The following PACS1 variants were observed in gnomAD, a reference collection of about 807,000 sequenced individuals.
The protein encoded by PACS1 is phosphofurin acidic cluster sorting protein 1.
In PACS1, 24 loss-of-function variants were observed where a neutral mutation model predicts 115.0. The observed-to-expected ratio is 0.21, with a 90% CI of 0.15 to 0.29. PACS1 has a LOEUF of 0.29. Among genes scored for constraint, PACS1 ranks in the 10% least tolerant of loss-of-function variants. The pLI is 1.00. For synonymous variants in PACS1, 453 were observed against 504.5 expected, an observed-to-expected ratio of 0.90 and a Z score of 1.37; for missense variants, 838 against 1,251.2, an observed-to-expected ratio of 0.67 and a Z score of 4.98.
At chr11:66,120,891 C>T (rs1022083685) in intron 1 of PACS1, 16 of 402,872 alleles carry the variant, frequency 4.0e-5, no homozygotes, top group African/African-American at 2.9e-4. Context: ...GTTCAAGGGA[C>T]GTCTTCATGA....
chr11:66,184,215 A>T (rs1364709165), intron 1 of PACS1, among the ~76,000 whole-genome samples: 1 of 147,824 alleles, frequency 6.8e-6, no homozygotes, highest in Non-Finnish European at 1.5e-5. Flanking sequence ...TGGGAGGCTG[A>T]GGCAGGAGAA....
At chr11:66,197,904 A>G (rs1410838231) in intron 2 of PACS1, among the ~76,000 whole-genome samples, 1 of 152,238 alleles carries the variant, frequency 6.6e-6, no homozygotes, top group Non-Finnish European at 1.5e-5. Context: ...TTTTTTTCAT[A>G]TACTCAACCA....
At chr11:66,080,218 A>T (rs1857458734) in intron 1 of PACS1, among the ~76,000 whole-genome samples, 1 of 152,198 alleles carries the variant, frequency 6.6e-6, no homozygotes, top group East Asian at 1.9e-4. Context: ...CATTCACCAA[A>T]TATTTACTGA....
chr11:66,165,208 C>G (rs565330300), intron 1 of PACS1, among the ~76,000 whole-genome samples: 4 of 152,346 alleles, frequency 2.6e-5, no homozygotes, highest in Admixed American at 6.5e-5. Context: ...TTATTCCACT[C>G]TTCGGCAGCA....
chr11:66,210,276 TC>T, intron 2 of PACS1, 85 bp from the exon 3 acceptor site: 1 of 976,184 alleles, frequency 1.0e-6, no homozygotes. Flanking sequence ...GTCCAAGCAG[TC>T]CTTCTGCCTC....
chr11:66,225,665 C>T (rs1244344978), intron 10 of PACS1, among the ~76,000 whole-genome samples: 1 of 152,162 alleles, frequency 6.6e-6, no homozygotes, highest in Non-Finnish European at 1.5e-5. Context: ...ATAAATGTTG[C>T]AGCTTTGACA....
chr11:66,143,647 CT>C (rs1020367729), intron 1 of PACS1, among the ~76,000 whole-genome samples: 2 of 152,040 alleles, frequency 1.3e-5, no homozygotes, highest in African/African-American at 4.8e-5. Flanking sequence ...GACCTTCTTT[CT>C]TGTTTTTTTA....
At chr11:66,241,779 G>A in intron 22 of PACS1, 126 bp downstream of exon 22, 1 of 725,174 alleles carries the variant, frequency 1.4e-6, no homozygotes, top group Non-Finnish European at 2.3e-6. Flanking sequence ...TCTGGCATGG[G>A]GTGCAGAGGG....
At chr11:66,159,964 T>C (rs1859449742) in intron 1 of PACS1, among the ~76,000 whole-genome samples, 1 of 152,122 alleles carries the variant, frequency 6.6e-6, no homozygotes, top group African/African-American at 2.4e-5. Context: ...AACACTTGGG[T>C]TTTTTAATAC....
intron 1 of PACS1, among the ~76,000 whole-genome samples, chr11:66,126,925 G>C (rs1389821622): frequency 1.3e-5 from 2 of 152,094 alleles, no homozygotes; most frequent in African/African-American, 4.8e-5. Flanking sequence ...GGGTGGAGGA[G>C]CTTTTCATCA....
At chr11:66,090,031 G>A (rs1261999505) in intron 1 of PACS1, among the ~76,000 whole-genome samples, 1 of 121,058 alleles carries the variant, frequency 8.3e-6, no homozygotes, top group African/African-American at 2.9e-5. Context: ...AAAAAGAAAT[G>A]CCATTGGTAT....
rs375191312 is a variant in PACS1, at chr11:66,219,731, G to A, written c.979-15G>A. 38 of 1,610,994 alleles carry A rather than the reference G, an allele frequency of 2.4e-5. No homozygotes were observed. The highest frequency in any genetic ancestry group is 1.6e-4 in the African/African-American group (12 of 74,954). ...TGGACGTTGCTGAGAACTGTCATGC[G>A]ATTTGTCCCTACAGCAACCTAACAT... On this transcript the variant is annotated splice_polypyrimidine_tract_variant and intron_variant, in intron 7 of 23. Coordinates refer to ENST00000320580, the MANE Select transcript of PACS1 (RefSeq NM_018026.4).
At position 66,233,638 on chromosome 11, in the gene PACS1, C is replaced by A; in HGVS notation, c.1839-147C>A. 1.4e-6 allele frequency: 1 copy of A among 716,324 alleles called. No individual in the cohort carries two copies. The highest frequency in any genetic ancestry group is 2.0e-5 in the South Asian group (1 of 50,976). 44.4% of individuals were successfully genotyped at this position (716,324 alleles called of 1,614,324 possible). ...GTTGTGAAAGCACTGTGGCTTATTC[C>A]CTGTATGATCCTCTCTGTTTTATTT... On this transcript the variant is annotated intron_variant, in intron 15 of 23. Transcript: ENST00000320580. The surrounding 1 kb of genome is among the most constrained non-coding windows in gnomAD (Gnocchi z 4.5).
intron 1 of PACS1, among the ~76,000 whole-genome samples, chr11:66,163,644 A>G (rs1859538419): frequency 6.6e-6 from 1 of 152,210 alleles, no homozygotes; most frequent in Non-Finnish European, 1.5e-5. Flanking sequence ...GTGTATTGTT[A>G]TTTGAATCAA....
At chr11:66,173,544 C>T (rs1859786960) in intron 1 of PACS1, among the ~76,000 whole-genome samples, 1 of 151,804 alleles carries the variant, frequency 6.6e-6, no homozygotes. Flanking sequence ...CCTGTCTCTA[C>T]TAAAAAATAC....
chr11:66,127,175 G>GTA, intron 1 of PACS1, among the ~76,000 whole-genome samples: 1 of 152,198 alleles, frequency 6.6e-6, no homozygotes. Context: ...CACAATGTCT[G>GTA]TAGTCCCTTC....
rs1168604248 is a variant in PACS1, at chr11:66,171,190, T to TTATTAAGTTTA, written c.357-22292_357-22282dup. ...TTGTGGTATTTATTTTTAAGACATT[T>TTATTAAGTTTA]TATTAAGTTTATATAGGTCTAGAAT... On this transcript the variant is annotated intron_variant, in intron 1 of 23. Coordinates refer to ENST00000320580, the MANE Select transcript of PACS1 (RefSeq NM_018026.4). Among the ~76,000 whole-genome samples the TTATTAAGTTTA allele has an allele frequency of 8.6e-5, 13 of 150,414 alleles. 1 individual carries two copies. The highest frequency in any genetic ancestry group is 3.3e-4 in the African/African-American group (13 of 39,808).
At chr11:66,215,906 AAT>A (rs1365796762) in intron 4 of PACS1, among the ~76,000 whole-genome samples, 11 of 14,742 alleles carry the variant, frequency 7.5e-4, no homozygotes, top group Non-Finnish European at 2.6e-3. Flanking sequence ...TCTCAAAAAT[AAT>A]AATAATAATA....
At chr11:66,209,490 G>A (rs150643477) in intron 2 of PACS1, among the ~76,000 whole-genome samples, 1 of 152,296 alleles carries the variant, frequency 6.6e-6, no homozygotes, top group East Asian at 1.9e-4. Context: ...ACTCACAGAC[G>A]TTAACAAATC....
Sources: allele counts gnomAD v4.1 joint callset (sites outside exome capture counted in the v4.1 genomes callset), GRCh38; gene constraint gnomAD v4.1.1; non-coding constraint Gnocchi (gnomAD v3.1); transcripts MANE v1.5; gene names NCBI Gene and HGNC (gene_info 2026-07-23, HGNC 2026-07-21).